Variants in PCDH15 observed in about 807,000 individuals in gnomAD.
PCDH15 encodes the protein protocadherin-15.
PCDH15 carries 129 observed loss-of-function variants against 178.5 expected under a neutral mutation model. That is an observed-to-expected ratio of 0.72 (90% confidence interval 0.63 to 0.84). PCDH15 has a LOEUF of 0.84. Among genes scored for constraint, PCDH15 ranks in the 40% least tolerant of loss-of-function variants. PCDH15 has a pLI of 0.00. For synonymous variants in PCDH15, 800 were observed against 732.0 expected (o/e 1.09, Z -1.50); for missense variants, 2,230 against 2,099.9 (o/e 1.06, Z -1.21).
intron 2 of PCDH15, among the ~76,000 whole-genome samples, chr10:55,602,020 G>A (rs757689850): frequency 6.6e-6 from 1 of 152,108 alleles, no homozygotes; most frequent in Non-Finnish European, 1.5e-5. Context: ...GCGCAGGTCA[G>A]TGGGTGCACG....
At chr10:55,168,877 A>G (rs1033439524) in intron 1 of PCDH15, among the ~76,000 whole-genome samples, 115 of 152,218 alleles carry the variant, frequency 7.6e-4, no homozygotes, top group African/African-American at 2.8e-3. Flanking sequence ...AACATTTCTG[A>G]TACTCTAGAT....
At chr10:54,970,601 T>G (rs1482021541) in intron 2 of PCDH15, among the ~76,000 whole-genome samples, 1 of 119,834 alleles carries the variant, frequency 8.3e-6, no homozygotes, top group African/African-American at 3.6e-5. Flanking sequence ...TTGGAAATAT[T>G]AAATGGAAAA....
At chr10:54,483,757 G>A (rs113162701) in intron 3 of PCDH15, among the ~76,000 whole-genome samples, 1,580 of 151,762 alleles carry the variant, frequency 0.01, 22 homozygotes, top group African/African-American at 0.036. Flanking sequence ...TTCCAAAAAT[G>A]TAGAGAAGAG....
At chr10:54,665,642 G>A (rs1419257443) in intron 1 of PCDH15, among the ~76,000 whole-genome samples, 1 of 151,918 alleles carries the variant, frequency 6.6e-6, no homozygotes. Context: ...AAACTAATGG[G>A]ATACACAGTT....
chr10:55,324,284 G>A (rs1003942400), upstream of PCDH15, among the ~76,000 whole-genome samples: 2 of 152,104 alleles, frequency 1.3e-5, no homozygotes, highest in Non-Finnish European at 2.9e-5. Flanking sequence ...CCAATTAAAA[G>A]TCACAGAGTG....
chr10:55,350,221 A>T (rs1450236110), intron 2 of PCDH15, among the ~76,000 whole-genome samples: 1 of 131,368 alleles, frequency 7.6e-6, no homozygotes, highest in African/African-American at 2.8e-5. Context: ...TATACCATAT[A>T]TAAACTCATA....
intron 2 of PCDH15, among the ~76,000 whole-genome samples, chr10:55,496,184 A>C (rs1279845194): frequency 1.3e-5 from 2 of 151,872 alleles, no homozygotes; most frequent in Non-Finnish European, 2.9e-5. Flanking sequence ...GTTATATCTC[A>C]ATAAAACTTA....
At chr10:54,191,520 T>C (rs1012226820) in intron 11 of PCDH15, among the ~76,000 whole-genome samples, 4 of 152,108 alleles carry the variant, frequency 2.6e-5, no homozygotes, top group African/African-American at 7.2e-5. Context: ...AATTAGGAAG[T>C]TTCCAAAACT....
intron 3 of PCDH15, among the ~76,000 whole-genome samples, chr10:54,519,744 C>T (rs186551305): frequency 8.6e-4 from 131 of 152,144 alleles, no homozygotes; most frequent in African/African-American, 9.6e-4. Context: ...AAAAAGAGCC[C>T]GCATCACCAA....
In PCDH15 at chr10:54,373,512, C is replaced by A. The variant is rs1032936950; in HGVS notation, c.319-4237G>T. Among the ~76,000 whole-genome samples the A allele has an allele frequency of 1.6e-4, 25 of 151,762 alleles. 1 individual carries two copies. Among genetic ancestry groups the A allele is most frequent in the Admixed American group, 3.9e-4 (6 of 15,190 alleles). On this transcript the variant is annotated intron_variant, in intron 4 of 37. Transcript: ENST00000644397. ...GTAGCATATTTACTGAAGATATTACCTAAAAAGAAAATATCAATTTGTAAA... is the reference window on the plus strand; with the variant it reads ...GTAGCATATTTACTGAAGATATTACATAAAAAGAAAATATCAATTTGTAAA...
chr10:54,595,746 AAAAAC>A (rs2092199364), intron 2 of PCDH15, among the ~76,000 whole-genome samples: 1 of 149,970 alleles, frequency 6.7e-6, no homozygotes, highest in Non-Finnish European at 1.5e-5. Context: ...GCCAGTACAG[AAAAAC>A]AAACAAACAA....
chr10:55,559,400 T>C (rs1189636731), intron 2 of PCDH15, among the ~76,000 whole-genome samples: 1 of 151,988 alleles, frequency 6.6e-6, no homozygotes, highest in Non-Finnish European at 1.5e-5. Context: ...GGATAATATG[T>C]AGAGACAATG....
intron 2 of PCDH15, among the ~76,000 whole-genome samples, chr10:54,592,892 T>TA (rs1194541566): frequency 1.3e-5 from 2 of 152,172 alleles, no homozygotes; most frequent in African/African-American, 4.8e-5. Context: ...AATGTGGTGA[T>TA]ACATTTTTGT....
chr10:54,144,355 T>C (rs1043883376), intron 14 of PCDH15, among the ~76,000 whole-genome samples: 19 of 152,144 alleles, frequency 1.2e-4, no homozygotes, highest in Non-Finnish European at 2.5e-4. Flanking sequence ...AGCTTGAAAC[T>C]TTTGTGAATT....
intron 26 of PCDH15, among the ~76,000 whole-genome samples, chr10:53,871,248 G>A (rs1308536222): frequency 6.6e-6 from 1 of 151,994 alleles, no homozygotes; most frequent in Non-Finnish European, 1.5e-5. Context: ...GGCTAAGGCA[G>A]GAGAATGGTA....
intron 1 of PCDH15, among the ~76,000 whole-genome samples, chr10:54,690,209 G>A (rs933964685): frequency 4.0e-5 from 6 of 151,850 alleles, no homozygotes; most frequent in Non-Finnish European, 8.8e-5. Context: ...CTACTGCACT[G>A]CCAGTGTATA....
At chr10:55,199,634 C>T (rs1840187143) in intron 1 of PCDH15, among the ~76,000 whole-genome samples, 1 of 152,054 alleles carries the variant, frequency 6.6e-6, no homozygotes, top group Non-Finnish European at 1.5e-5. Flanking sequence ...GCCTCCAGGG[C>T]ATTTCAGGGA....
rs527898677 is a variant in PCDH15, at chr10:55,153,070, A to G, written c.-80+13506T>C. On this transcript the variant is annotated intron_variant, in intron 2 of 5. Transcript: ENST00000458638. ...ATGGTTAAATCCAAGATAACAAATTATCATTATGTTAATACTTTACTTTGA... is the reference window on the plus strand; with the variant it reads ...ATGGTTAAATCCAAGATAACAAATTGTCATTATGTTAATACTTTACTTTGA... 7.2e-5 allele frequency among the ~76,000 whole-genome samples: 11 copies of G among 152,300 alleles called. No individual in the cohort carries two copies. The East Asian group carries it at 1.7e-3, about 24-fold the overall frequency.
At chr10:54,783,315 A>C (rs755341183) in intron 1 of PCDH15, among the ~76,000 whole-genome samples, 3 of 152,130 alleles carry the variant, frequency 2.0e-5, no homozygotes, top group Non-Finnish European at 2.9e-5. Context: ...GGAACTGGAA[A>C]ATTCAGTGAC....
Sources: allele counts gnomAD v4.1 joint callset (sites outside exome capture counted in the v4.1 genomes callset), GRCh38; gene constraint gnomAD v4.1.1; transcripts MANE v1.5; gene names NCBI Gene and HGNC (gene_info 2026-07-23, HGNC 2026-07-21).